Variants in MAP3K2 observed in about 807,000 individuals in gnomAD.
MAP3K2 encodes the protein mitogen-activated protein kinase kinase kinase 2.
Under a neutral mutation model 80.3 loss-of-function variants are expected in MAP3K2, and 24 were observed. The ratio of observed to expected loss-of-function variants is 0.30; its 90% CI spans 0.22 to 0.42. The LOEUF is 0.42. Ranked by LOEUF, MAP3K2 falls within the 10% of genes least tolerant of loss-of-function variation. MAP3K2 has a pLI of 1.00. For synonymous variants in MAP3K2, 244 were observed against 253.7 expected (o/e 0.96, Z 0.36); for missense variants, 608 against 750.1 (o/e 0.81, Z 2.21).
chr2:127,333,615 C>T (rs1292211141), intron 5 of MAP3K2, among the ~76,000 whole-genome samples: 1 of 152,174 alleles, frequency 6.6e-6, no homozygotes, highest in Non-Finnish European at 1.5e-5. Flanking sequence ...ACGGTTCACT[C>T]ACAGAATCTC....
chr2:127,372,345 C>CCACAAAAGTTCA (rs370105383), intron 1 of MAP3K2, among the ~76,000 whole-genome samples: 2 of 152,110 alleles, frequency 1.3e-5, no homozygotes, highest in African/African-American at 4.8e-5. Context: ...AGCACAGGAG[C>CCACAAAAGTTCA]CACAAAAGTA....
chr2:127,334,746 C>G (rs72845978), intron 5 of MAP3K2, among the ~76,000 whole-genome samples: 1 of 149,566 alleles, frequency 6.7e-6, no homozygotes, highest in Non-Finnish European at 1.5e-5. Flanking sequence ...GTGCTCTGCC[C>G]GTTATTCTTC....
intron 1 of MAP3K2, among the ~76,000 whole-genome samples, chr2:127,366,389 A>T (rs1686972107): frequency 6.6e-6 from 1 of 151,634 alleles, no homozygotes; most frequent in Admixed American, 6.6e-5. Context: ...CTCTGGAAAA[A>T]AAAAAAAAAA....
At chr2:127,361,748 T>C (rs956892933) in intron 1 of MAP3K2, among the ~76,000 whole-genome samples, 3 of 152,246 alleles carry the variant, frequency 2.0e-5, no homozygotes, top group African/African-American at 7.2e-5. Context: ...CAAATAAATT[T>C]GAGTTTTTAA....
intron 1 of MAP3K2, among the ~76,000 whole-genome samples, chr2:127,367,787 C>T (rs570640197): frequency 4.9e-4 from 74 of 151,416 alleles, no homozygotes; most frequent in South Asian, 1.9e-3. Context: ...AGTGAGACTC[C>T]GTCTCAAAAC....
In MAP3K2 at chr2:127,364,482, A is replaced by G. The variant is rs1295607408; in HGVS notation, c.-65-21288T>C. ...CACCTGGTCATCTTACCATGTATAA[A>G]CGATAATGGAAAAGAATTATCGTCT... On this transcript the variant is annotated intron_variant, in intron 1 of 16. Transcript: ENST00000682094. This position sits in a 1 kb window ranked among gnomAD's most constrained non-coding sequence, Gnocchi z 4.1. Among the ~76,000 whole-genome samples, 1 of 152,154 alleles carries G rather than the reference A, an allele frequency of 6.6e-6. No individual in the cohort carries two copies. The highest frequency in any genetic ancestry group is 2.1e-4 in the South Asian group (1 of 4,832).
rs957229433 is a variant in MAP3K2 at position 127,387,974 on chromosome 2, A to G, written c.-588T>C. 20 of 984,142 alleles carry G rather than the reference A, an allele frequency of 2.0e-5. No homozygotes were observed. The African/African-American group carries it at 3.0e-4, about 15-fold the overall frequency. 61.0% of individuals were successfully genotyped at this position (984,142 alleles called of 1,614,324 possible). A position where few individuals can be genotyped will look rare whatever the true frequency, so the allele number is the denominator to read the frequency against. On this transcript the variant is annotated 5_prime_UTR_variant, in exon 1 of 17. Coordinates refer to ENST00000682094, the MANE Select transcript of MAP3K2 (RefSeq NM_001371910.2). ...GGCAGCCACTACACACGGACCCGTG[A>G]CGTCGGGCGTAGCGCGGCGCACGTC...
intron 5 of MAP3K2, among the ~76,000 whole-genome samples, chr2:127,334,323 T>G (rs1454983915): frequency 6.6e-6 from 1 of 152,200 alleles, no homozygotes; most frequent in East Asian, 1.9e-4. Context: ...TTAATGTATC[T>G]TGGCATTTGA....
At chr2:127,378,149 G>T in intron 1 of MAP3K2, 2 of 983,670 alleles carry the variant, frequency 2.0e-6, no homozygotes, top group Non-Finnish European at 2.4e-6. Flanking sequence ...GGAAAATGGA[G>T]ATCTAAAAAA....
rs1271044300 is a variant in MAP3K2, at chr2:127,350,468, AAAAG to A, written c.-65-7278_-65-7275del. On this transcript the variant is annotated intron_variant, in intron 1 of 16. Transcript: ENST00000682094. ...AAAAACAAAAACAAAAAAAAAAAAAAAAAGAAAGAAGAAAACCATGAGTCCATAA... is the reference window on the plus strand; with the variant it reads ...AAAAACAAAAACAAAAAAAAAAAAAAAAAGAAGAAAACCATGAGTCCATAA... Among the ~76,000 whole-genome samples, 973 of 150,988 alleles carry A rather than the reference AAAAG, an allele frequency of 6.4e-3. 12 individuals are homozygous for A. Among genetic ancestry groups the A allele is most frequent in the African/African-American group, 0.022 (922 of 41,110 alleles).
At chr2:127,368,310 A>G (rs533255770) in intron 1 of MAP3K2, among the ~76,000 whole-genome samples, 1 of 143,478 alleles carries the variant, frequency 7.0e-6, no homozygotes. Context: ...TGACAGAACA[A>G]GACACTGTCT....
Position 127,339,031 on chromosome 2 carries a change from G to A in MAP3K2, c.24C>T (p.Asn8=). The A allele has an allele frequency of 1.2e-6, 2 of 1,610,120 alleles. No individual in the cohort carries two copies. The highest frequency in any genetic ancestry group is 1.7e-5 in the Admixed American group (1 of 59,870). The change falls in exon 3 of 17, where the codon AAC becomes AAT. Residue 8 remains asparagine, a synonymous_variant. Transcript: ENST00000682094. The surrounding 1 kb of genome is among the most constrained non-coding windows in gnomAD (Gnocchi z 4.2). The part of the protein sequence containing the change: MDDQQAL[N]SIMQDLAVLH... ...GGACAGCCAAATCTTGCATGATTGA[G>A]TTCAAAGCTTGCTGATCATCTAGGT...
At chr2:127,359,335 T>C (rs1011956348) in intron 1 of MAP3K2, among the ~76,000 whole-genome samples, 1 of 152,126 alleles carries the variant, frequency 6.6e-6, no homozygotes, top group Non-Finnish European at 1.5e-5. Context: ...CTCCCTACTT[T>C]CCACTCAATT....
chr2:127,324,067 AT>A, intron 10 of MAP3K2, 73 bp from the exon 11 acceptor site: 1 of 1,097,584 alleles, frequency 9.1e-7, no homozygotes, highest in Non-Finnish European at 1.3e-6. Flanking sequence ...TGAAAAGCAC[AT>A]TTATAAATCT....
At chr2:127,386,919 T>C (rs1055746943) in intron 1 of MAP3K2, among the ~76,000 whole-genome samples, 1 of 152,104 alleles carries the variant, frequency 6.6e-6, no homozygotes, top group Non-Finnish European at 1.5e-5. Context: ...TGCCTTAATC[T>C]CTCTGAGCCT....
At chr2:127,317,554 C>T (rs1375241372) in intron 14 of MAP3K2, 75 bp downstream of exon 14, 24 of 1,277,820 alleles carry the variant, frequency 1.9e-5, no homozygotes, top group Admixed American at 5.6e-5. Context: ...TTATAATCTA[C>T]GTTTTTGTTG....
chr2:127,385,668 T>C (rs1009610224), intron 1 of MAP3K2, among the ~76,000 whole-genome samples: 1 of 152,236 alleles, frequency 6.6e-6, no homozygotes, highest in Non-Finnish European at 1.5e-5. Context: ...TTCTGTATGC[T>C]TGAAATTGTT....
At position 127,387,695 on chromosome 2, in the gene MAP3K2, G is replaced by C. The variant is rs989788652; in HGVS notation, c.-309C>G. On this transcript the variant is annotated 5_prime_UTR_variant, in exon 1 of 17. Coordinates refer to ENST00000682094, the MANE Select transcript of MAP3K2 (RefSeq NM_001371910.2). ...GCGCGTGAATCCTCGCAGCCGGCCG[G>C]GTCCTCCTGGCGCTCCTCGGCACTT... The C allele has an allele frequency of 3.2e-5, 32 of 985,296 alleles. 1 individual carries two copies. The African/African-American group carries it at 4.2e-4, about 13-fold the overall frequency. 61.0% of individuals were successfully genotyped at this position (985,296 alleles called of 1,614,324 possible).
At chr2:127,341,647 C>G (rs1686493212) in intron 2 of MAP3K2, among the ~76,000 whole-genome samples, 1 of 149,968 alleles carries the variant, frequency 6.7e-6, no homozygotes, top group Non-Finnish European at 1.5e-5. Flanking sequence ...ATTCTCCTGG[C>G]TCAGCCTCCT....
Sources: allele counts gnomAD v4.1 joint callset (sites outside exome capture counted in the v4.1 genomes callset), GRCh38; gene constraint gnomAD v4.1.1; non-coding constraint Gnocchi (gnomAD v3.1); transcripts MANE v1.5; gene names NCBI Gene and HGNC (gene_info 2026-07-23, HGNC 2026-07-21).